STXBP6: variants seen among roughly 807,000 people sequenced by gnomAD.
STXBP6 encodes syntaxin binding protein 6, also known as syntaxin-binding protein 6.
In STXBP6, 21 loss-of-function variants were observed where a neutral mutation model predicts 26.9. The ratio of observed to expected loss-of-function variants is 0.78; its 90% CI spans 0.55 to 1.12. The LOEUF is 1.12. STXBP6 is among the 50% of genes most tolerant of loss of function. STXBP6 has a pLI of 0.00. For synonymous variants in STXBP6, 97 were observed against 92.6 expected (o/e 1.05, Z -0.27); for missense variants, 232 against 257.9 (o/e 0.90, Z 0.69).
intron 2 of STXBP6, among the ~76,000 whole-genome samples, chr14:24,875,965 G>C (rs1214094292): frequency 6.6e-6 from 1 of 152,120 alleles, no homozygotes; most frequent in African/African-American, 2.4e-5. Context: ...ATACGGCACT[G>C]TGTATTTATT....
At chr14:24,942,095 A>G (rs1333719266) in intron 2 of STXBP6, among the ~76,000 whole-genome samples, 3 of 152,248 alleles carry the variant, frequency 2.0e-5, no homozygotes, top group African/African-American at 4.8e-5. Context: ...GTCAACTTGT[A>G]AAAAGCAATG....
chr14:24,947,210 G>A (rs1242761636), intron 2 of STXBP6, among the ~76,000 whole-genome samples: 1 of 120,884 alleles, frequency 8.3e-6, no homozygotes, highest in Non-Finnish European at 1.7e-5. Context: ...CTCCATATGT[G>A]AAGGGAAAGC....
intron 5 of STXBP6, chr14:24,816,378 C>T (rs1254410791): frequency 1.3e-5 from 2 of 152,074 alleles, no homozygotes; most frequent in African/African-American, 2.4e-5. Context: ...GAGTCCTGGT[C>T]CCTGGGAAAA....
chr14:24,840,020 G>A lies in STXBP6; in HGVS notation c.451+15916C>T, dbSNP rs186009798. Among the ~76,000 whole-genome samples, 175 of 152,274 alleles carry A rather than the reference G, an allele frequency of 1.1e-3. 1 individual carries two copies. Among genetic ancestry groups the A allele is most frequent in the Admixed American group, 1.5e-3 (23 of 15,300 alleles). ...ATGTTTTAGGTATATTACAGCTAGT[G>A]TTTTAGGCATGCCTAGTGTTTCAGG... On this transcript the variant is annotated intron_variant, in intron 4 of 5. Transcript: ENST00000323944.
At chr14:24,898,538 G>A (rs1421277811) in intron 2 of STXBP6, among the ~76,000 whole-genome samples, 3 of 152,094 alleles carry the variant, frequency 2.0e-5, no homozygotes, top group East Asian at 1.9e-4. Context: ...CTAGCTGGGC[G>A]TGGTGGCATG....
intron 4 of STXBP6, among the ~76,000 whole-genome samples, chr14:24,828,676 G>A (rs2068360770): frequency 6.6e-6 from 1 of 152,162 alleles, no homozygotes; most frequent in African/African-American, 2.4e-5. Flanking sequence ...AAAGAATGAC[G>A]ATGCATTCCA....
At chr14:24,911,606 C>T (rs894148997) in intron 2 of STXBP6, among the ~76,000 whole-genome samples, 22 of 152,190 alleles carry the variant, frequency 1.4e-4, no homozygotes, top group African/African-American at 5.1e-4. Context: ...ATATCTAACG[C>T]CTGAGTGTCC....
At chr14:24,818,150 TGCCA>T (rs2068034851) in intron 5 of STXBP6, 1 of 456,692 alleles carries the variant, frequency 2.2e-6, no homozygotes, top group Middle Eastern at 3.3e-4. Flanking sequence ...AAGCCTGACA[TGCCA>T]ACACAAGTCA....
intron 2 of STXBP6, among the ~76,000 whole-genome samples, chr14:24,868,109 G>C (rs2069789032): frequency 6.6e-6 from 1 of 152,124 alleles, no homozygotes; most frequent in Non-Finnish European, 1.5e-5. Flanking sequence ...TGAGGTGGGA[G>C]GATTGCCTGA....
chr14:24,906,175 C>T (rs890363022), intron 2 of STXBP6, among the ~76,000 whole-genome samples: 3 of 152,064 alleles, frequency 2.0e-5, no homozygotes, highest in African/African-American at 7.2e-5. Flanking sequence ...AGAATGCTCT[C>T]TATTTTTTCT....
chr14:25,003,076 A>G (rs908588837), intron 1 of STXBP6, among the ~76,000 whole-genome samples: 1 of 152,232 alleles, frequency 6.6e-6, no homozygotes, highest in Non-Finnish European at 1.5e-5. Context: ...AGATGTGAAG[A>G]TGATCTGCTT....
At chr14:24,980,483 A>G (rs1442034140) in intron 1 of STXBP6, among the ~76,000 whole-genome samples, 1 of 152,224 alleles carries the variant, frequency 6.6e-6, no homozygotes, top group African/African-American at 2.4e-5. Context: ...ACTACTCTTA[A>G]CTACTAGTTC....
chr14:24,895,717 A>G (rs2070964417), intron 2 of STXBP6, among the ~76,000 whole-genome samples: 1 of 152,242 alleles, frequency 6.6e-6, no homozygotes, highest in Non-Finnish European at 1.5e-5. Flanking sequence ...TAAAAGTGGT[A>G]GCTGGAGCAA....
chr14:24,925,127 C>T (rs1019446298), intron 2 of STXBP6, among the ~76,000 whole-genome samples: 1 of 152,204 alleles, frequency 6.6e-6, no homozygotes, highest in African/African-American at 2.4e-5. Context: ...GGTGAGACTT[C>T]ACCTTACAGG....
intron 1 of STXBP6, among the ~76,000 whole-genome samples, chr14:25,000,095 C>T (rs892134481): frequency 2.7e-5 from 4 of 150,818 alleles, no homozygotes; most frequent in African/African-American, 7.3e-5. Context: ...CGGAGTCTTG[C>T]TCTACCACCC....
chr14:24,838,692 A>C (rs2068697487), intron 4 of STXBP6, among the ~76,000 whole-genome samples: 1 of 151,998 alleles, frequency 6.6e-6, no homozygotes, highest in Non-Finnish European at 1.5e-5. Context: ...TCAAAAAAAA[A>C]AGAGAAAAAA....
chr14:24,968,198 T>C lies in STXBP6; in HGVS notation c.154+6467A>G, dbSNP rs755291365. ...ATATATATATATATATATAAAATTATTGCAGTTGCTTTGCAGTTCCTTTTT... is the reference window on the plus strand; with the variant it reads ...ATATATATATATATATATAAAATTACTGCAGTTGCTTTGCAGTTCCTTTTT... On this transcript the variant is annotated intron_variant, in intron 2 of 5. Coordinates refer to ENST00000323944, the MANE Select transcript of STXBP6 (RefSeq NM_001394410.1). Among the ~76,000 whole-genome samples, 132 of 148,490 alleles carry C rather than the reference T, an allele frequency of 8.9e-4. 1 individual carries two copies. The highest frequency in any genetic ancestry group is 2.3e-3 in the Admixed American group (35 of 14,898).
intron 2 of STXBP6, among the ~76,000 whole-genome samples, chr14:24,928,227 T>C (rs548333303): frequency 2.3e-4 from 35 of 152,270 alleles, no homozygotes; most frequent in South Asian, 1.2e-3. Flanking sequence ...ACACTTATAC[T>C]GAGGAAGGGA....
chr14:24,889,700 A>T (rs1312631), intron 2 of STXBP6, among the ~76,000 whole-genome samples: 55,543 of 152,028 alleles, frequency 0.37, 10,377 homozygotes, highest in East Asian at 0.43. Flanking sequence ...AAGTTAAGAA[A>T]ATCTCCTCCC....
Sources: gnomAD v4.1 joint callset for allele counts (sites outside exome capture counted in the v4.1 genomes callset) on GRCh38, gnomAD v4.1.1 for gene constraint, MANE v1.5 for transcripts, NCBI Gene and HGNC (gene_info 2026-07-23, HGNC 2026-07-21) for gene names.